SLC23A1: variants seen among roughly 807,000 people sequenced by gnomAD.
SLC23A1 encodes the protein solute carrier family 23 member 1.
A neutral mutation model predicts 62.5 loss-of-function variants in SLC23A1; 31 were observed. The observed-to-expected ratio is 0.50, with a 90% CI of 0.37 to 0.67. SLC23A1 has a LOEUF of 0.67. Among genes scored for constraint, SLC23A1 ranks in the 30% least tolerant of loss-of-function variants. The probability of loss-of-function intolerance (pLI) is 0.00; values close to 1 mark genes in which losing one functional copy is unlikely to be tolerated. For missense variants in SLC23A1, 640 were observed against 782.7 expected, an observed-to-expected ratio of 0.82 and a Z score of 2.18; for synonymous variants, 271 against 313.2, an observed-to-expected ratio of 0.87 and a Z score of 1.42.
intron 14 of SLC23A1, among the ~76,000 whole-genome samples, 159 bp downstream of exon 14, chr5:139,371,828 A>G (rs1757685346): frequency 6.6e-6 from 1 of 152,258 alleles, no homozygotes; most frequent in Non-Finnish European, 1.5e-5. Flanking sequence ...AATTCCACCC[A>G]AAATCCGTAT....
chr5:139,384,381 C>T (rs1488763863), upstream of SLC23A1: 1 of 1,289,018 alleles, frequency 7.8e-7, no homozygotes. Flanking sequence ...TGCCCATGGC[C>T]AGGCCCTGCC....
intron 13 of SLC23A1, among the ~76,000 whole-genome samples, chr5:139,376,467 C>T (rs148176268): frequency 2.6e-5 from 4 of 152,246 alleles, no homozygotes; most frequent in East Asian, 1.9e-4. Flanking sequence ...CATGCTCGGC[C>T]GTGATGTTTT....
intron 14 of SLC23A1, among the ~76,000 whole-genome samples, chr5:139,370,553 A>T (rs1033548293): frequency 2.6e-5 from 4 of 151,578 alleles, no homozygotes; most frequent in African/African-American, 7.3e-5. Context: ...GAGTGCAGTC[A>T]TGCAATCTCA....
At chr5:139,373,334 C>T (rs766839684) in intron 13 of SLC23A1, among the ~76,000 whole-genome samples, 10 of 152,010 alleles carry the variant, frequency 6.6e-5, no homozygotes, top group Non-Finnish European at 1.2e-4. Flanking sequence ...TGACCCACCA[C>T]GCCCGGCTAA....
Position 139,379,587 on chromosome 5 carries a change from AG to A in SLC23A1, c.925+90del. On this transcript the variant is annotated intron_variant, in intron 8 of 14. Transcript: ENST00000348729. This position sits in a 1 kb window ranked among gnomAD's most constrained non-coding sequence, Gnocchi z 4.7. ...GCACTATAAATGTGCGGCTAATGCT[AG>A]GTGTGTCACCTGCTGGATTGGGGTC... 1 of 1,270,944 alleles carries A rather than the reference AG, an allele frequency of 7.9e-7. No homozygotes were observed. The highest frequency in any genetic ancestry group is 1.5e-5 in the African/African-American group (1 of 67,898). The allele number at this position is 1,270,944 out of a possible 1,614,324, so 78.7% of individuals were successfully genotyped here. A position where few individuals can be genotyped will look rare whatever the true frequency, so the allele number is the denominator to read the frequency against.
Position 139,380,897 on chromosome 5 carries a change from G to A in SLC23A1, c.309-11C>T, listed in dbSNP as rs1490104205. ...TGGAACAGCGGCAGCCTGGAGGAGA[G>A]GCACAAAGCAACAGGGGTGGGGAGG... On this transcript the variant is annotated splice_polypyrimidine_tract_variant and intron_variant, in intron 3 of 14. Coordinates refer to ENST00000348729, the MANE Select transcript of SLC23A1 (RefSeq NM_005847.5). 1.6e-6 allele frequency: 1 copy of A among 637,260 alleles called. No homozygotes were observed. 39.5% of individuals were successfully genotyped at this position (637,260 alleles called of 1,614,324 possible).
At chr5:139,371,906 G>A (rs1757688967) in intron 14 of SLC23A1, 81 bp downstream of exon 14, 7 of 1,012,990 alleles carry the variant, frequency 6.9e-6, no homozygotes. Context: ...AGAGAACTGA[G>A]TAGTTTGGTT....
At position 139,378,597 on chromosome 5, in the gene SLC23A1, G is replaced by T; in HGVS notation, c.1161C>A (p.Gly387=). 6.2e-7 allele frequency: 1 copy of T among 1,609,088 alleles called. No homozygotes were observed. The highest frequency in any genetic ancestry group is 1.7e-5 in the Admixed American group (1 of 59,402). The change falls in exon 10 of 15, where the codon GGC becomes GGA. Residue 387 remains glycine (G), a synonymous_variant. Coordinates refer to ENST00000348729, the MANE Select transcript of SLC23A1 (RefSeq NM_005847.5). This position sits in a 1 kb window ranked among gnomAD's most constrained non-coding sequence, Gnocchi z 4.5. ...NGSTSSSPNI[G]VLGITKVGSR... is the part of the protein sequence containing the mutation. ...GCGACACCTTGGTAATTCCCAGGAC[G>T]CCAATGTTGGGACTGGACGAGGTGG...
Position 139,379,645 on chromosome 5 carries a change from TG to T in SLC23A1, c.925+32del. 1 of 1,579,898 alleles carries T rather than the reference TG, an allele frequency of 6.3e-7. No homozygotes were observed. The highest frequency in any genetic ancestry group is 8.6e-7 in the Non-Finnish European group (1 of 1,158,976). On this transcript the variant is annotated intron_variant, in intron 8 of 14. Transcript: ENST00000348729. This position sits in a 1 kb window ranked among gnomAD's most constrained non-coding sequence, Gnocchi z 4.7. ...AGTCTGTCTCATAGGTGGTCTCAGT[TG>T]GGGGCAGAGGGGCCCAAGGGGTGTT...
In SLC23A1 at chr5:139,372,180, G is replaced by A. The variant is rs1757705438; in HGVS notation, c.1623C>T (p.Leu541=). 6.2e-7 allele frequency: 1 copy of A among 1,613,348 alleles called. No individual in the cohort carries two copies. Among genetic ancestry groups the A allele is most frequent in the African/African-American group, 1.3e-5 (1 of 74,908 alleles). Residue 541 remains leucine, a synonymous_variant, in exon 14 of 15, where the codon CTC becomes CTT. Transcript: ENST00000348729. Reference sequence around the variant, plus strand: ...TCCCAATGGGGAAATCGTAGCTCTTGAGGCTGGAAGACATGTCACTGTTGG... The same window carrying A: ...TCCCAATGGGGAAATCGTAGCTCTTAAGGCTGGAAGACATGTCACTGTTGG... ...AHANSDMSSS[L]KSYDFPIGMG... is the part of the protein sequence containing the mutation.
At chr5:139,374,608 C>A (rs1400371128) in intron 13 of SLC23A1, among the ~76,000 whole-genome samples, 1 of 152,162 alleles carries the variant, frequency 6.6e-6, no homozygotes, top group Non-Finnish European at 1.5e-5. Flanking sequence ...GTGACAACCC[C>A]CCTGAGCTTT....
intron 14 of SLC23A1, among the ~76,000 whole-genome samples, chr5:139,367,939 C>G (rs369847451): frequency 6.6e-6 from 1 of 152,296 alleles, no homozygotes; most frequent in Non-Finnish European, 1.5e-5. Context: ...TGCAGTGGCT[C>G]ACGCCTGTAG....
chr5:139,382,302 C>T (rs573365032), intron 2 of SLC23A1, 190 bp downstream of exon 2: 12 of 599,916 alleles, frequency 2.0e-5, no homozygotes, highest in Admixed American at 1.2e-4. Flanking sequence ...ACCTGGCAAG[C>T]GTCACACTCC....
At chr5:139,374,119 GCTC>G (rs1256046919) in intron 13 of SLC23A1, among the ~76,000 whole-genome samples, 3 of 152,154 alleles carry the variant, frequency 2.0e-5, no homozygotes, top group Non-Finnish European at 4.4e-5. Flanking sequence ...TGTGCCAGGA[GCTC>G]CTCTAAACAA....
At position 139,379,221 on chromosome 5, in the gene SLC23A1, T is replaced by C; in HGVS notation, c.1059A>G (p.Val353=). The part of the protein sequence containing the change: ...ARLAGAPPPP[V]HAINRGIFTE... ...AGGTAGGCTACCTGTTGATAGCATG[T>C]ACTGGAGGGGGTGGTGCACCAGCCA... is the stretch of plus-strand genomic sequence containing the variant. The change falls in exon 9 of 15, where the codon GTA becomes GTG. Residue 353 remains valine (V), a synonymous_variant. Transcript: ENST00000348729. This position sits in a 1 kb window ranked among gnomAD's most constrained non-coding sequence, Gnocchi z 4.7. 6.2e-7 allele frequency: 1 copy of C among 1,614,184 alleles called. No individual in the cohort carries two copies.
Position 139,379,352 on chromosome 5 carries a change from G to A in SLC23A1, c.928C>T (p.Gln310Ter). 4 of 1,614,116 alleles carry A rather than the reference G, an allele frequency of 2.5e-6. No homozygotes were observed. The highest frequency in any genetic ancestry group is 2.5e-6 in the Non-Finnish European group (3 of 1,179,930). ...APWIRIPYPC[Q>*]WGLPTVTAAA... Reference sequence around the variant, plus strand: ...GCAGTCACCGTGGGCAGGCCCCACTGACCTGTGCTCGGAGGGAGACAGGAT... The same window carrying A: ...GCAGTCACCGTGGGCAGGCCCCACTAACCTGTGCTCGGAGGGAGACAGGAT... The change falls in exon 9 of 15, where the codon CAG becomes TAG. Residue 310 changes from glutamine (Q) to a stop codon, truncating the protein, a stop_gained and splice_region_variant. Transcript: ENST00000348729. LOFTEE classifies it high-confidence loss of function. This position sits in a 1 kb window ranked among gnomAD's most constrained non-coding sequence, Gnocchi z 4.7.
intron 13 of SLC23A1, among the ~76,000 whole-genome samples, chr5:139,373,546 C>G (rs1466701498): frequency 6.6e-6 from 1 of 151,946 alleles, no homozygotes; most frequent in Non-Finnish European, 1.5e-5. Flanking sequence ...CAGGTTTTCA[C>G]AAGAGGGCTG....
chr5:139,383,404 G>T, upstream of SLC23A1: 1 of 1,447,184 alleles, frequency 6.9e-7, no homozygotes, highest in Middle Eastern at 2.2e-4. Flanking sequence ...GGGGGCCCGG[G>T]CAGAGGTAAT....
At chr5:139,373,426 C>T (rs568951822) in intron 13 of SLC23A1, among the ~76,000 whole-genome samples, 27 of 152,186 alleles carry the variant, frequency 1.8e-4, no homozygotes, top group African/African-American at 2.9e-4. Context: ...GTGATCAGCC[C>T]GCCTTGGCCT....
Sources: gnomAD v4.1 joint callset for allele counts (sites outside exome capture counted in the v4.1 genomes callset) on GRCh38, gnomAD v4.1.1 for gene constraint, Gnocchi (gnomAD v3.1) non-coding constraint, MANE v1.5 for transcripts, NCBI Gene and HGNC (gene_info 2026-07-23, HGNC 2026-07-21) for gene names.